The following KLF15 variants were observed in gnomAD, a reference collection of about 807,000 sequenced individuals.
KLF15 encodes Krueppel-like factor 15.
Under a neutral mutation model 24.6 loss-of-function variants are expected in KLF15, and 4 were observed. That is an observed-to-expected ratio of 0.16 (90% CI 0.08 to 0.37). KLF15 has a LOEUF of 0.37. Ranked by LOEUF, KLF15 falls within the 10% of genes least tolerant of loss-of-function variation. The pLI is 1.00. For synonymous variants in KLF15, 246 were observed against 236.3 expected (o/e 1.04, Z -0.37); for missense variants, 496 against 560.6 (o/e 0.88, Z 1.16).
the KLF15 span, among the ~76,000 whole-genome samples, chr3:126,335,966 G>A: frequency 6.7e-5 from 10 of 149,340 alleles, no homozygotes; most frequent in Admixed American, 1.3e-4. Flanking sequence ...TCATGGGCAG[G>A]AAGAATCAAT....
chr3:126,355,685 C>T (rs758506426), intron 1 of KLF15, among the ~76,000 whole-genome samples: 2 of 152,246 alleles, frequency 1.3e-5, no homozygotes, highest in African/African-American at 2.4e-5. Context: ...GGCCATATCC[C>T]AGAGTCTAAA....
At chr3:126,318,242 A>G in the KLF15 span, among the ~76,000 whole-genome samples, 6 of 152,316 alleles carry the variant, frequency 3.9e-5, no homozygotes, top group South Asian at 1.0e-3. Flanking sequence ...CATGAGTTGA[A>G]CTATAGTAAT....
At chr3:126,321,309 G>A in the KLF15 span, among the ~76,000 whole-genome samples, 1 of 152,198 alleles carries the variant, frequency 6.6e-6, no homozygotes, top group Admixed American at 6.5e-5. Context: ...AAGAGCCCTT[G>A]TCAAATATGT....
At chr3:126,301,151 C>T in the KLF15 span, among the ~76,000 whole-genome samples, 1 of 152,206 alleles carries the variant, frequency 6.6e-6, no homozygotes, top group Non-Finnish European at 1.5e-5. Flanking sequence ...CACTCCAGAA[C>T]TTTTCTTCCT....
the KLF15 span, among the ~76,000 whole-genome samples, chr3:126,299,102 G>T: frequency 3.3e-5 from 5 of 152,098 alleles, no homozygotes; most frequent in African/African-American, 1.2e-4. Context: ...CCATGACCAT[G>T]GGATGTATTT....
At chr3:126,290,644 G>A in the KLF15 span, 1 of 152,104 alleles carries the variant, frequency 6.6e-6, no homozygotes, top group Admixed American at 6.5e-5. Context: ...ATTGTTGCCA[G>A]GCTTAGCCTC....
chr3:126,322,820 C>T, the KLF15 span, among the ~76,000 whole-genome samples: 1 of 152,140 alleles, frequency 6.6e-6, no homozygotes, highest in African/African-American at 2.4e-5. Context: ...CCAGGCAAAG[C>T]CTTATTTTCC....
At chr3:126,312,467 G>A in the KLF15 span, among the ~76,000 whole-genome samples, 2 of 152,208 alleles carry the variant, frequency 1.3e-5, no homozygotes, top group South Asian at 2.1e-4. Flanking sequence ...GAGCCACCGC[G>A]CCCAGCCAGA....
intron 2 of KLF15, 122 bp from the exon 3 acceptor site, chr3:126,344,017 C>T (rs902988266): frequency 3.1e-6 from 3 of 968,338 alleles, no homozygotes; most frequent in Non-Finnish European, 4.4e-6. Flanking sequence ...GCTGCGCAGA[C>T]CTGCAGCCTC....
At chr3:126,295,672 C>T in the KLF15 span, among the ~76,000 whole-genome samples, 1 of 152,216 alleles carries the variant, frequency 6.6e-6, no homozygotes, top group Non-Finnish European at 1.5e-5. Flanking sequence ...TATGCTTGGC[C>T]AAACTTTAGT....
At chr3:126,342,416 A>G (rs1471505344), downstream of KLF15, among the ~76,000 whole-genome samples, 2 of 152,182 alleles carry the variant, frequency 1.3e-5, no homozygotes, top group East Asian at 3.9e-4. Flanking sequence ...GCTCCAGGTC[A>G]GGGAGCCGGG....
At chr3:126,329,715 A>T in the KLF15 span, among the ~76,000 whole-genome samples, 1 of 150,854 alleles carries the variant, frequency 6.6e-6, no homozygotes, top group African/African-American at 2.4e-5. Context: ...ATAGATCAAT[A>T]TGACAGAAAT....
the KLF15 span, among the ~76,000 whole-genome samples, chr3:126,331,253 T>C: frequency 6.6e-6 from 1 of 152,252 alleles, no homozygotes; most frequent in East Asian, 1.9e-4. Flanking sequence ...TAGGTATAAG[T>C]CGCAGGCATC....
the KLF15 span, among the ~76,000 whole-genome samples, chr3:126,329,477 C>A: frequency 6.6e-6 from 1 of 152,066 alleles, no homozygotes; most frequent in South Asian, 2.1e-4. Flanking sequence ...AGAGCAAGAA[C>A]CTGTCTCAAA....
the KLF15 span, among the ~76,000 whole-genome samples, chr3:126,316,654 G>A: frequency 1.3e-5 from 2 of 150,614 alleles, no homozygotes; most frequent in African/African-American, 4.9e-5. Flanking sequence ...CCAGAGTAGG[G>A]AAGGGAGTGC....
intron 2 of KLF15, among the ~76,000 whole-genome samples, chr3:126,344,929 A>G (rs2082520494): frequency 6.6e-6 from 1 of 152,144 alleles, no homozygotes; most frequent in African/African-American, 2.4e-5. Flanking sequence ...GCTTGCCACC[A>G]ACCTCAGGGA....
chr3:126,324,806 C>CTTT, the KLF15 span, among the ~76,000 whole-genome samples: 51 of 59,584 alleles, frequency 8.6e-4, no homozygotes, highest in East Asian at 1.1e-3. Context: ...TTTTTTCGCT[C>CTTT]TTTTTTTTTT....
At chr3:126,291,818 C>T in the KLF15 span, among the ~76,000 whole-genome samples, 2 of 147,924 alleles carry the variant, frequency 1.4e-5, no homozygotes, top group South Asian at 2.5e-4. Flanking sequence ...CACCAGGAGA[C>T]GAGGTTTCAA....
At position 126,352,331 on chromosome 3, in the gene KLF15, C is replaced by T. The variant is rs1380187744; in HGVS notation, c.592G>A (p.Gly198Ser). The T allele has an allele frequency of 3.2e-6, 5 of 1,577,816 alleles. No homozygotes were observed. Among genetic ancestry groups the T allele is most frequent in the Non-Finnish European group, 3.4e-6 (4 of 1,163,604 alleles). The change falls in exon 2 of 3, where the codon GGT becomes AGT. Residue 198 changes from glycine to serine, a missense_variant. Gly to Ser is a moderately conservative substitution (Grantham distance 56). Coordinates refer to ENST00000296233, the MANE Select transcript of KLF15 (RefSeq NM_014079.4). Reference protein sequence around the residue: ...GRERCSPPPGGASAGGAQGPG... With the variant: ...GRERCSPPPGSASAGGAQGPG... Reference sequence around the variant, plus strand: ...CCCTGGGCACCTCCTGCACTGGCACCACCTGGTGGAGGGGAACAGCGCTCT... The same window carrying T: ...CCCTGGGCACCTCCTGCACTGGCACTACCTGGTGGAGGGGAACAGCGCTCT...
Sources: gnomAD v4.1 joint callset for allele counts (sites outside exome capture counted in the v4.1 genomes callset) on GRCh38, gnomAD v4.1.1 for gene constraint, MANE v1.5 for transcripts, NCBI Gene and HGNC (gene_info 2026-07-23, HGNC 2026-07-21) for gene names.